TSNARE1: variants seen among roughly 807,000 people sequenced by gnomAD.
The protein encoded by TSNARE1 is t-SNARE domain containing 1, also known as t-SNARE domain-containing protein 1.
Under a neutral mutation model 62.0 loss-of-function variants are expected in TSNARE1, and 49 were observed. The ratio of observed to expected loss-of-function variants is 0.79; its 90% CI spans 0.63 to 1.00. The LOEUF (loss-of-function observed/expected upper bound fraction) is 1.00. Among genes scored for constraint, TSNARE1 ranks in the 50% least tolerant of loss-of-function variants. The pLI is 0.00. For missense variants in TSNARE1, 755 were observed against 700.1 expected (o/e 1.08, Z -0.88); for synonymous variants, 328 against 294.4 (o/e 1.11, Z -1.17).
At chr8:142,308,126 T>C (rs1826987212) in intron 9 of TSNARE1, among the ~76,000 whole-genome samples, 1 of 152,242 alleles carries the variant, frequency 6.6e-6, no homozygotes, top group Non-Finnish European at 1.5e-5. Context: ...TATCTTTATA[T>C]ATTAAGGATG....
intron 10 of TSNARE1, 27 bp downstream of exon 10, chr8:142,300,459 G>C: frequency 6.3e-7 from 1 of 1,585,322 alleles, no homozygotes; most frequent in South Asian, 1.1e-5. Context: ...TGTGGAGAGT[G>C]AGCACGCTTG....
chr8:142,298,240 G>A (rs560984986), intron 10 of TSNARE1, among the ~76,000 whole-genome samples: 4 of 152,250 alleles, frequency 2.6e-5, no homozygotes, highest in Non-Finnish European at 5.9e-5. Flanking sequence ...TGGCCTCCAC[G>A]TGGGGCGCCC....
At chr8:142,357,272 G>T (rs1262254182) in intron 1 of TSNARE1, among the ~76,000 whole-genome samples, 1 of 152,240 alleles carries the variant, frequency 6.6e-6, no homozygotes, top group African/African-American at 2.4e-5. Flanking sequence ...TTGGGTGAGG[G>T]CTGCTGCACA....
Position 142,354,683 on chromosome 8 carries a change from G to C in TSNARE1, c.42C>G (p.Ser14Arg). The C allele has an allele frequency of 6.2e-7, 1 of 1,613,494 alleles. No individual in the cohort carries two copies. Among genetic ancestry groups the C allele is most frequent in the South Asian group, 1.1e-5 (1 of 91,040 alleles). Residue 14 changes from serine to arginine, a missense_variant, in exon 2 of 14, where the codon AGC (serine) becomes AGG (arginine). Physicochemically the swap from Ser to Arg is moderately radical, Grantham distance 110. Coordinates refer to ENST00000524325, the MANE Select transcript of TSNARE1 (RefSeq NM_145003.5). ...GSIARGGGLGSRGPFGGPSRQ... is the reference protein window; with the variant it reads ...GSIARGGGLGRRGPFGGPSRQ... The stretch of plus-strand genomic sequence containing the variant: ...TCGAAGGTCCCCCGAAAGGGCCACG[G>C]CTCCCCAGGCCACCTCCACGGGCGA...
intron 13 of TSNARE1, among the ~76,000 whole-genome samples, chr8:142,213,248 C>T (rs1378357405): frequency 8.6e-6 from 1 of 116,794 alleles, no homozygotes; most frequent in African/African-American, 3.5e-5. Flanking sequence ...CCCTCCCTCC[C>T]CTCCTCTCTA....
In TSNARE1 at chr8:142,229,483, A is replaced by G. The variant is rs1816999886; in HGVS notation, c.*1T>C. On this transcript the variant is annotated 3_prime_UTR_variant, in exon 13 of 14. Transcript: ENST00000524325. ...AGGTGGGGTACTCACCACGGGTAGC[A>G]TCACTTTCGGACAGAGGTGGCGATG... 6.2e-7 allele frequency: 1 copy of G among 1,613,952 alleles called. No homozygotes were observed. The highest frequency in any genetic ancestry group is 8.5e-7 in the Non-Finnish European group (1 of 1,179,954).
Position 142,319,725 on chromosome 8 carries a change from C to T in TSNARE1, c.894-1091G>A, listed in dbSNP as rs571927528. 2.5e-4 allele frequency among the ~76,000 whole-genome samples: 38 copies of T among 152,260 alleles called. No individual in the cohort carries two copies. The highest frequency in any genetic ancestry group is 4.1e-4 in the Non-Finnish European group (28 of 68,004). On this transcript the variant is annotated intron_variant, in intron 6 of 13. Transcript: ENST00000524325. The surrounding 1 kb of genome is among the most constrained non-coding windows in gnomAD (Gnocchi z 4.9). ...CCACTGCAGGCCAAGCCTACAGGAG[C>T]GGGGCCCACCTCCTGATACCCACCC...
chr8:142,252,153 C>T (rs1209036934), intron 12 of TSNARE1, among the ~76,000 whole-genome samples: 5 of 152,374 alleles, frequency 3.3e-5, no homozygotes, highest in South Asian at 4.1e-4. Flanking sequence ...CTGCAGGGCA[C>T]GCACGTTGAG....
intron 1 of TSNARE1, among the ~76,000 whole-genome samples, chr8:142,392,957 A>G (rs1468008957): frequency 6.6e-6 from 1 of 152,064 alleles, no homozygotes; most frequent in Non-Finnish European, 1.5e-5. Flanking sequence ...GAAAAAAAAA[A>G]AAAAAGAAAG....
chr8:142,328,383 C>T lies in TSNARE1; in HGVS notation c.893+2518G>A, dbSNP rs1000706321. 7.2e-5 allele frequency among the ~76,000 whole-genome samples: 11 copies of T among 152,296 alleles called. No homozygotes were observed. In the East Asian group the frequency reaches 1.4e-3, roughly 19 times the overall value. On this transcript the variant is annotated intron_variant, in intron 6 of 13. Coordinates refer to ENST00000524325, the MANE Select transcript of TSNARE1 (RefSeq NM_145003.5). ...ATGTCATTACTTTTCTAAGTTCTTT[C>T]GCAAGCAACTTCCTCTTTTCCTTTT...
At chr8:142,299,194 G>A (rs904609540) in intron 10 of TSNARE1, among the ~76,000 whole-genome samples, 1 of 152,216 alleles carries the variant, frequency 6.6e-6, no homozygotes, top group Non-Finnish European at 1.5e-5. Flanking sequence ...TGCCACAGCA[G>A]AGGCAGGGAG....
chr8:142,290,221 C>A (rs1469519951), intron 10 of TSNARE1, among the ~76,000 whole-genome samples: 3 of 151,862 alleles, frequency 2.0e-5, no homozygotes, highest in Admixed American at 1.3e-4. Context: ...AAGGGTGGGG[C>A]CTGCTCGAGG....
intron 13 of TSNARE1, among the ~76,000 whole-genome samples, chr8:142,228,315 T>C (rs1242778738): frequency 6.6e-6 from 1 of 152,222 alleles, no homozygotes; most frequent in African/African-American, 2.4e-5. Flanking sequence ...CTTAACATGT[T>C]TCAGAGGCTC....
chr8:142,224,079 G>T (rs1022873136), intron 13 of TSNARE1, among the ~76,000 whole-genome samples: 1 of 152,194 alleles, frequency 6.6e-6, no homozygotes, highest in Non-Finnish European at 1.5e-5. Flanking sequence ...ATCCTGGTGT[G>T]CAGGGTCTCT....
At chr8:142,395,146 T>C (rs531188285) in intron 1 of TSNARE1, among the ~76,000 whole-genome samples, 6 of 151,376 alleles carry the variant, frequency 4.0e-5, no homozygotes, top group African/African-American at 1.2e-4. Context: ...GCTCCTCCCA[T>C]GGTTATCTTG....
chr8:142,239,657 A>T (rs1177645614), intron 12 of TSNARE1, among the ~76,000 whole-genome samples: 1 of 152,254 alleles, frequency 6.6e-6, no homozygotes, highest in Non-Finnish European at 1.5e-5. Flanking sequence ...TCCTGGACTT[A>T]ACAGGAAGCG....
intron 10 of TSNARE1, among the ~76,000 whole-genome samples, chr8:142,287,363 G>A (rs1822939731): frequency 4.1e-5 from 5 of 121,580 alleles, no homozygotes; most frequent in Admixed American, 4.0e-4. Context: ...ACCTCGGCCA[G>A]ATCTCAGGGA....
At chr8:142,347,373 C>T (rs4073588) in intron 2 of TSNARE1, among the ~76,000 whole-genome samples, 20,591 of 152,200 alleles carry the variant, frequency 0.14, 1,490 homozygotes, top group East Asian at 0.22. Flanking sequence ...AAGTCACAGA[C>T]GCCTCTCAGT....
At chr8:142,355,952 G>A (rs774511208) in intron 1 of TSNARE1, among the ~76,000 whole-genome samples, 1 of 152,136 alleles carries the variant, frequency 6.6e-6, no homozygotes, top group Non-Finnish European at 1.5e-5. Flanking sequence ...CAGAACAATC[G>A]GGACCCAAAC....
Sources: gnomAD v4.1 joint callset for allele counts (sites outside exome capture counted in the v4.1 genomes callset) on GRCh38, gnomAD v4.1.1 for gene constraint, Gnocchi (gnomAD v3.1) non-coding constraint, MANE v1.5 for transcripts, NCBI Gene and HGNC (gene_info 2026-07-23, HGNC 2026-07-21) for gene names.